The following METTL15 variants were observed in gnomAD, a reference collection of about 807,000 sequenced individuals.
METTL15 encodes the protein 12S rRNA N(4)-cytidine methyltransferase METTL15.
Under a neutral mutation model 38.3 loss-of-function variants are expected in METTL15, and 34 were observed. The ratio of observed to expected loss-of-function variants is 0.89; its 90% CI spans 0.68 to 1.18. METTL15 has a LOEUF of 1.18. Among genes scored for constraint, METTL15 ranks in the 50% most tolerant of loss-of-function variants. METTL15 has a pLI of 0.00. For synonymous variants in METTL15, 162 were observed against 170.9 expected (o/e 0.95, Z 0.41); for missense variants, 438 against 498.4 (o/e 0.88, Z 1.15).
rs186833437 is a variant in METTL15, at chr11:28,248,224, C to T, written c.407+37026C>T. Among the ~76,000 whole-genome samples, 17 of 152,130 alleles carry T rather than the reference C, an allele frequency of 1.1e-4. No individual in the cohort carries two copies. In the East Asian group the frequency reaches 3.3e-3, roughly 29 times the overall value. ...GTTGCCTCTTATGCAGTATTCCTGC[C>T]CCATGAACAATGAGACCTCCTCATA... On this transcript the variant is annotated intron_variant, in intron 4 of 6. Transcript: ENST00000407364.
At chr11:28,442,123 G>A (rs1040711103) in intron 6 of METTL15, among the ~76,000 whole-genome samples, 1 of 152,190 alleles carries the variant, frequency 6.6e-6, no homozygotes, top group Non-Finnish European at 1.5e-5. Context: ...TGAGAAAGGG[G>A]AAGAGGTATA....
intron 4 of METTL15, among the ~76,000 whole-genome samples, chr11:28,221,053 C>T (rs181240806): frequency 6.6e-6 from 1 of 152,094 alleles, no homozygotes; most frequent in Non-Finnish European, 1.5e-5. Flanking sequence ...AGTTGCTATT[C>T]TCGTGGAGTA....
At chr11:28,388,286 G>C (rs551711572) in intron 5 of METTL15, among the ~76,000 whole-genome samples, 3 of 151,998 alleles carry the variant, frequency 2.0e-5, no homozygotes, top group East Asian at 1.9e-4. Context: ...ATTTACAAAT[G>C]ATATAATCTT....
At chr11:28,491,168 A>C (rs1430784777) in intron 6 of METTL15, among the ~76,000 whole-genome samples, 2 of 152,162 alleles carry the variant, frequency 1.3e-5, no homozygotes, top group Non-Finnish European at 2.9e-5. Flanking sequence ...CAGATTGGCT[A>C]TCTGTTTGGA....
intron 4 of METTL15, among the ~76,000 whole-genome samples, chr11:28,356,643 A>G (rs1850092509): frequency 6.6e-6 from 1 of 152,294 alleles, no homozygotes; most frequent in African/African-American, 2.4e-5. Flanking sequence ...GACTCCTATC[A>G]AGGCAGTGGC....
At chr11:28,149,720 G>A (rs1176416161) in intron 3 of METTL15, among the ~76,000 whole-genome samples, 3 of 151,688 alleles carry the variant, frequency 2.0e-5, no homozygotes, top group African/African-American at 4.8e-5. Context: ...ACCCAAAACC[G>A]AACTGGTATA....
chr11:28,421,739 A>AT (rs978097486), intron 5 of METTL15, among the ~76,000 whole-genome samples: 1 of 152,016 alleles, frequency 6.6e-6, no homozygotes, highest in African/African-American at 2.4e-5. Flanking sequence ...ATCACAACAA[A>AT]TGGGAAAAAA....
intron 6 of METTL15, among the ~76,000 whole-genome samples, chr11:28,507,171 G>A (rs1272103706): frequency 5.9e-5 from 9 of 152,130 alleles, no homozygotes; most frequent in Non-Finnish European, 5.9e-5. Flanking sequence ...GCATTGCTAT[G>A]AAGAGCTACC....
At chr11:28,156,517 A>G (rs1405594762) in intron 3 of METTL15, among the ~76,000 whole-genome samples, 1 of 152,104 alleles carries the variant, frequency 6.6e-6, no homozygotes, top group Non-Finnish European at 1.5e-5. Flanking sequence ...AGATAAATAT[A>G]TTTGCCCATA....
At chr11:28,501,206 G>A (rs897175251) in intron 6 of METTL15, among the ~76,000 whole-genome samples, 2 of 152,190 alleles carry the variant, frequency 1.3e-5, no homozygotes, top group South Asian at 4.1e-4. Flanking sequence ...GGGCAGCTAT[G>A]TGCCCTACTA....
intron 5 of METTL15, among the ~76,000 whole-genome samples, chr11:28,404,577 C>T (rs1002558266): frequency 2.0e-5 from 3 of 152,020 alleles, no homozygotes; most frequent in African/African-American, 7.2e-5. Flanking sequence ...CTCCCAGTGG[C>T]CCCCACCTCC....
intron 5 of METTL15, among the ~76,000 whole-genome samples, chr11:28,291,221 T>G (rs1565228687): frequency 6.6e-6 from 1 of 151,942 alleles, no homozygotes; most frequent in Non-Finnish European, 1.5e-5. Flanking sequence ...TAATTATTTT[T>G]GTATTAGTAG....
intron 3 of METTL15, among the ~76,000 whole-genome samples, chr11:28,338,937 A>T (rs1412165013): frequency 1.3e-5 from 2 of 152,088 alleles, no homozygotes; most frequent in Non-Finnish European, 2.9e-5. Context: ...GGAGGAAAAA[A>T]CGTAGAGGTT....
At chr11:28,469,535 A>G (rs1198629222) in intron 6 of METTL15, among the ~76,000 whole-genome samples, 2 of 152,156 alleles carry the variant, frequency 1.3e-5, no homozygotes, top group African/African-American at 4.8e-5. Flanking sequence ...TGCTGACTCC[A>G]CCACTACTGG....
At chr11:28,214,376 T>TG (rs1852775965) in intron 4 of METTL15, among the ~76,000 whole-genome samples, 1 of 152,066 alleles carries the variant, frequency 6.6e-6, no homozygotes, top group African/African-American at 2.4e-5. Context: ...AGGAAAAAGG[T>TG]CTAAGTTTGC....
chr11:28,297,105 G>A (rs922819367), intron 6 of METTL15, among the ~76,000 whole-genome samples, 174 bp downstream of exon 6: 6 of 151,908 alleles, frequency 3.9e-5, no homozygotes, highest in African/African-American at 1.5e-4. Flanking sequence ...CTTCTCTAAT[G>A]TCAGCTTTCT....
At chr11:28,183,247 G>T (rs1337003043) in intron 3 of METTL15, among the ~76,000 whole-genome samples, 2 of 151,670 alleles carry the variant, frequency 1.3e-5, no homozygotes, top group Non-Finnish European at 2.9e-5. Context: ...AATACCCTTT[G>T]TTTCTTTCTC....
At chr11:28,330,227 G>A (rs1445486320) in intron 6 of METTL15, among the ~76,000 whole-genome samples, 169 bp from the exon 7 acceptor site, 3 of 152,096 alleles carry the variant, frequency 2.0e-5, no homozygotes, top group Non-Finnish European at 2.9e-5. Context: ...TTAAACCTTG[G>A]AAGAATGTTT....
At chr11:28,376,727 G>A (rs1047215978) in intron 5 of METTL15, among the ~76,000 whole-genome samples, 16 of 150,780 alleles carry the variant, frequency 1.1e-4, no homozygotes, top group African/African-American at 3.2e-4. Flanking sequence ...TATTTTGCTC[G>A]TTAGTTGATG....
Sources: allele counts gnomAD v4.1 joint callset (sites outside exome capture counted in the v4.1 genomes callset), GRCh38; gene constraint gnomAD v4.1.1; transcripts MANE v1.5; gene names NCBI Gene and HGNC (gene_info 2026-07-23, HGNC 2026-07-21).